Variants in ENTREP2 observed in about 807,000 individuals in gnomAD.
ENTREP2 encodes the protein protein ENTREP2.
chr15:29,668,175 A>T, the ENTREP2 span, among the ~76,000 whole-genome samples: 1 of 152,204 alleles, frequency 6.6e-6, no homozygotes, highest in African/African-American at 2.4e-5. Context: ...CACTCTAGCA[A>T]CAGAAGAGGG....
At chr15:29,586,208 G>A in the ENTREP2 span, among the ~76,000 whole-genome samples, 6 of 152,060 alleles carry the variant, frequency 3.9e-5, no homozygotes, top group Admixed American at 3.9e-4. Context: ...AGTGAAAAAA[G>A]CCAGTCACAA....
chr15:29,303,442 T>C, the ENTREP2 span, among the ~76,000 whole-genome samples: 1 of 152,136 alleles, frequency 6.6e-6, no homozygotes, highest in African/African-American at 2.4e-5. Context: ...AAACCAACCA[T>C]GACACTGGGT....
the ENTREP2 span, among the ~76,000 whole-genome samples, chr15:29,439,284 T>TACAAACACACACACAC: frequency 2.8e-4 from 27 of 97,138 alleles, no homozygotes; most frequent in African/African-American, 1.2e-3. Flanking sequence ...AAATTGGAAT[T>TACAAACACACACACAC]ACACACACAC....
the ENTREP2 span, among the ~76,000 whole-genome samples, chr15:29,166,397 G>A: frequency 6.6e-6 from 1 of 152,048 alleles, no homozygotes; most frequent in Non-Finnish European, 1.5e-5. Context: ...GTTTGCTGAC[G>A]ATATGATCAT....
At chr15:29,664,288 G>A in the ENTREP2 span, among the ~76,000 whole-genome samples, 1 of 152,096 alleles carries the variant, frequency 6.6e-6, no homozygotes, top group Non-Finnish European at 1.5e-5. Context: ...TCTGGTCTGT[G>A]GTCAACAGCT....
the ENTREP2 span, among the ~76,000 whole-genome samples, chr15:29,541,913 G>A: frequency 6.6e-6 from 1 of 152,174 alleles, no homozygotes; most frequent in East Asian, 1.9e-4. Flanking sequence ...TTCCAAATAA[G>A]CCTATCTTTT....
At chr15:29,203,323 AC>A in the ENTREP2 span, among the ~76,000 whole-genome samples, 1 of 151,754 alleles carries the variant, frequency 6.6e-6, no homozygotes, top group Non-Finnish European at 1.5e-5. Flanking sequence ...AATGGCGTGA[AC>A]CCGGGAGGCA....
At chr15:29,157,386 C>T in the ENTREP2 span, among the ~76,000 whole-genome samples, 1 of 152,206 alleles carries the variant, frequency 6.6e-6, no homozygotes, top group Non-Finnish European at 1.5e-5. Flanking sequence ...AGGCTCCCTA[C>T]AGAAGAGGGC....
chr15:29,670,898 T>C, the ENTREP2 span, among the ~76,000 whole-genome samples: 1 of 152,302 alleles, frequency 6.6e-6, no homozygotes, highest in East Asian at 1.9e-4. Flanking sequence ...GAATAATGAA[T>C]GTTTTTTGTG....
chr15:29,529,526 C>T, the ENTREP2 span, among the ~76,000 whole-genome samples: 1 of 151,882 alleles, frequency 6.6e-6, no homozygotes, highest in Non-Finnish European at 1.5e-5. Context: ...AGAAGAAGTG[C>T]TGGGGAACTG....
the ENTREP2 span, among the ~76,000 whole-genome samples, chr15:29,386,228 C>A: frequency 6.6e-6 from 1 of 152,202 alleles, no homozygotes; most frequent in South Asian, 2.1e-4. Flanking sequence ...CTGATTAACA[C>A]AAGCTGCCTG....
At chr15:29,534,711 G>A in the ENTREP2 span, among the ~76,000 whole-genome samples, 2 of 152,146 alleles carry the variant, frequency 1.3e-5, no homozygotes, top group Non-Finnish European at 2.9e-5. Flanking sequence ...AGCCCAGGGC[G>A]AGGCATCATG....
At chr15:29,135,162 C>A in the ENTREP2 span, among the ~76,000 whole-genome samples, 1 of 151,796 alleles carries the variant, frequency 6.6e-6, no homozygotes, top group African/African-American at 2.4e-5. This position sits in a 1 kb window ranked among gnomAD's most constrained non-coding sequence, Gnocchi z 7.4. Flanking sequence ...CTGCCCACGC[C>A]CTCTGCTCCA....
chr15:29,134,202 G>T, the ENTREP2 span, among the ~76,000 whole-genome samples: 1 of 152,174 alleles, frequency 6.6e-6, no homozygotes, highest in Non-Finnish European at 1.5e-5. Context: ...AAACAACATT[G>T]GGAAGGCAGA....
At chr15:29,555,138 C>T in the ENTREP2 span, among the ~76,000 whole-genome samples, 14 of 152,276 alleles carry the variant, frequency 9.2e-5, no homozygotes, top group East Asian at 5.8e-4. Flanking sequence ...GAGAAGGAAC[C>T]GGGGAAGAGG....
At chr15:29,590,834 C>T in the ENTREP2 span, among the ~76,000 whole-genome samples, 1 of 151,894 alleles carries the variant, frequency 6.6e-6, no homozygotes, top group African/African-American at 2.4e-5. Context: ...TTCATAAACA[C>T]ACTGATAAGA....
the ENTREP2 span, among the ~76,000 whole-genome samples, chr15:29,618,017 T>G: frequency 6.6e-6 from 1 of 152,234 alleles, no homozygotes; most frequent in Non-Finnish European, 1.5e-5. Flanking sequence ...CACTCCCACC[T>G]CTGTTTCTGT....
the ENTREP2 span, among the ~76,000 whole-genome samples, chr15:29,264,792 C>T: frequency 6.6e-6 from 1 of 152,112 alleles, no homozygotes; most frequent in Non-Finnish European, 1.5e-5. Context: ...AGTAAATTAG[C>T]ATAACCTCAA....
chr15:29,515,181 G>A, the ENTREP2 span, among the ~76,000 whole-genome samples: 2 of 152,204 alleles, frequency 1.3e-5, no homozygotes, highest in Non-Finnish European at 2.9e-5. Context: ...TGACTGCGGA[G>A]CAGGACCCCC....
Sources: gnomAD v4.1 joint callset for allele counts (sites outside exome capture counted in the v4.1 genomes callset) on GRCh38, gnomAD v4.1.1 for gene constraint, Gnocchi (gnomAD v3.1) non-coding constraint, MANE v1.5 for transcripts, NCBI Gene and HGNC (gene_info 2026-07-23, HGNC 2026-07-21) for gene names.